SSBP3: variants seen among roughly 807,000 people sequenced by gnomAD.
The protein encoded by SSBP3 is single-stranded DNA-binding protein 3.
SSBP3 carries 5 observed loss-of-function variants against 69.6 expected under a neutral mutation model. The observed-to-expected ratio is 0.07, with a 90% CI of 0.04 to 0.15. SSBP3 has a LOEUF of 0.15. Ranked by LOEUF, SSBP3 falls within the 10% of genes least tolerant of loss-of-function variation. The pLI, the probability that SSBP3 is intolerant of heterozygous loss-of-function variation, is 1.00. For synonymous variants in SSBP3, 196 were observed against 193.4 expected (o/e 1.01, Z -0.11); for missense variants, 312 against 534.0 (o/e 0.58, Z 4.10).
At chr1:54,256,823 C>G (rs1644930511) in intron 7 of SSBP3, among the ~76,000 whole-genome samples, 1 of 152,166 alleles carries the variant, frequency 6.6e-6, no homozygotes, top group African/African-American at 2.4e-5. Flanking sequence ...CAGGGCATTA[C>G]CATCTTCTCT....
chr1:54,228,955 A>T, intron 14 of SSBP3, 129 bp from the exon 15 acceptor site: 1 of 941,716 alleles, frequency 1.1e-6, no homozygotes, highest in Admixed American at 2.2e-5. Flanking sequence ...CTCTGCTCAC[A>T]CTCGGACATG....
chr1:54,238,323 C>T, intron 14 of SSBP3: 1 of 471,120 alleles, frequency 2.1e-6, no homozygotes, highest in East Asian at 6.9e-5. Context: ...GGGCCCCAGG[C>T]CCACTCTCTG....
chr1:54,398,020 G>T (rs1043201324), intron 4 of SSBP3, among the ~76,000 whole-genome samples: 18 of 152,098 alleles, frequency 1.2e-4, no homozygotes, highest in Admixed American at 1.2e-3. Flanking sequence ...TATGCTTCAG[G>T]TCAACTGCAA....
intron 5 of SSBP3, among the ~76,000 whole-genome samples, chr1:54,268,300 G>A (rs186666662): frequency 6.6e-6 from 1 of 152,346 alleles, no homozygotes; most frequent in African/African-American, 2.4e-5. Flanking sequence ...ACTTCTGCCC[G>A]CCGGCCTCCG....
intron 5 of SSBP3, among the ~76,000 whole-genome samples, chr1:54,273,956 C>T (rs918394774): frequency 6.6e-6 from 1 of 152,240 alleles, no homozygotes; most frequent in Non-Finnish European, 1.5e-5. Flanking sequence ...CTCTCTAATC[C>T]TTCTCAGCAG....
chr1:54,301,701 A>G (rs1202679291), intron 4 of SSBP3, among the ~76,000 whole-genome samples: 1 of 152,240 alleles, frequency 6.6e-6, no homozygotes, highest in Non-Finnish European at 1.5e-5. Context: ...TAATCCATTC[A>G]GAGCCAAGCG....
chr1:54,343,882 G>A (rs750173701), intron 4 of SSBP3, among the ~76,000 whole-genome samples: 10 of 152,212 alleles, frequency 6.6e-5, no homozygotes, highest in Non-Finnish European at 1.5e-4. Flanking sequence ...AAGGGGCTAG[G>A]AGAGCCACTA....
Position 54,245,372 on chromosome 1 carries a change from C to A in SSBP3, c.652-2073G>T, listed in dbSNP as rs116057542. 7.0e-3 allele frequency among the ~76,000 whole-genome samples: 1,059 copies of A among 152,306 alleles called. 11 individuals are homozygous for A. Among genetic ancestry groups the A allele is most frequent in the African/African-American group, 0.024 (1,016 of 41,568 alleles). On this transcript the variant is annotated intron_variant, in intron 9 of 17. Transcript: ENST00000610401. The stretch of plus-strand genomic sequence containing the variant: ...AGCTAGGATTTAAGCCTGGATCTGC[C>A]GGCCCCCCAGATTCTGTATGCTTAG...
At chr1:54,370,296 C>T (rs893002298) in intron 4 of SSBP3, among the ~76,000 whole-genome samples, 3 of 152,222 alleles carry the variant, frequency 2.0e-5, no homozygotes, top group African/African-American at 4.8e-5. Context: ...CACTGGCCAA[C>T]TTCCAGCCTG....
chr1:54,345,848 T>C (rs1646680217), intron 4 of SSBP3, among the ~76,000 whole-genome samples: 1 of 151,620 alleles, frequency 6.6e-6, no homozygotes, highest in Non-Finnish European at 1.5e-5. Context: ...TCTACCAAAA[T>C]ACAAAAAATT....
intron 4 of SSBP3, among the ~76,000 whole-genome samples, chr1:54,367,969 G>A (rs555473970): frequency 6.6e-6 from 1 of 152,260 alleles, no homozygotes; most frequent in South Asian, 2.1e-4. Flanking sequence ...GGTGAATTAT[G>A]CCACATCCAA....
Position 54,316,665 on chromosome 1 carries a change from TAAATAAATAAATA to T in SSBP3, c.277-35151_277-35139del, listed in dbSNP as rs1557525366. On this transcript the variant is annotated intron_variant, in intron 4 of 17. Coordinates refer to ENST00000610401, the Ensembl canonical transcript of SSBP3. ...TCCGTCTCAAAAAAAAAAAATAAAA[TAAATAAATAAATA>T]AATAAATAAATAAATAAATAAATAA... is the stretch of plus-strand genomic sequence containing the variant. Among the ~76,000 whole-genome samples the T allele has an allele frequency of 1.1e-3, 23 of 20,658 alleles. 2 individuals are homozygous for T. The highest frequency in any genetic ancestry group is 0.025 in the Middle Eastern group (1 of 40). The allele number at this position is 20,658 out of a possible 152,430, so 13.6% of individuals were successfully genotyped here.
At chr1:54,264,042 C>T (rs1014480759) in intron 5 of SSBP3, among the ~76,000 whole-genome samples, 1 of 152,160 alleles carries the variant, frequency 6.6e-6, no homozygotes, top group Non-Finnish European at 1.5e-5. Flanking sequence ...TGGCTTACAC[C>T]TGTAATCCAG....
intron 4 of SSBP3, among the ~76,000 whole-genome samples, chr1:54,339,846 G>A (rs1304289986): frequency 1.3e-5 from 2 of 152,160 alleles, no homozygotes; most frequent in African/African-American, 2.4e-5. Flanking sequence ...CCAAAGGGGC[G>A]GAGGTTGCAG....
At chr1:54,405,070 A>C in intron 1 of SSBP3, 140 bp from the exon 2 acceptor site, 2 of 748,516 alleles carry the variant, frequency 2.7e-6, no homozygotes, top group Admixed American at 2.2e-5. Context: ...CAGCTAGCTC[A>C]CCCCAAACAG....
chr1:54,408,599 A>G (rs1649912056), upstream of SSBP3, among the ~76,000 whole-genome samples: 1 of 152,226 alleles, frequency 6.6e-6, no homozygotes, highest in Admixed American at 6.5e-5. Flanking sequence ...TGCCCTTATC[A>G]ACTTCATGGC....
Position 54,404,852 on chromosome 1 carries a change from A to G in SSBP3, c.129+6T>C, listed in dbSNP as rs1649592716. 6.3e-7 allele frequency: 1 copy of G among 1,589,248 alleles called. No individual in the cohort carries two copies. Reference sequence around the variant, plus strand: ...GAAATTGGATGCTGGGGGGAGTCCCACTCACCTCCGATAAGAAGGTCTGTG... The same window carrying G: ...GAAATTGGATGCTGGGGGGAGTCCCGCTCACCTCCGATAAGAAGGTCTGTG... On this transcript the variant is annotated splice_donor_region_variant and intron_variant, in intron 2 of 17. Transcript: ENST00000610401.
At chr1:54,395,059 A>G (rs1271240002) in intron 4 of SSBP3, among the ~76,000 whole-genome samples, 2 of 150,562 alleles carry the variant, frequency 1.3e-5, no homozygotes, top group Admixed American at 1.3e-4. Flanking sequence ...GGATTTCCAC[A>G]TACAATAAAA....
At chr1:54,385,427 T>TAAA (rs1648007643) in intron 4 of SSBP3, among the ~76,000 whole-genome samples, 1 of 152,138 alleles carries the variant, frequency 6.6e-6, no homozygotes, top group African/African-American at 2.4e-5. Context: ...GGGAAGCTTT[T>TAAA]AAAATGTTCT....
Sources: gnomAD v4.1 joint callset for allele counts (sites outside exome capture counted in the v4.1 genomes callset) on GRCh38, gnomAD v4.1.1 for gene constraint, MANE v1.5 for transcripts, NCBI Gene and HGNC (gene_info 2026-07-23, HGNC 2026-07-21) for gene names.